Variants in EPB41 observed in about 807,000 individuals in gnomAD.
The protein encoded by EPB41 is protein 4.1.
EPB41 carries 65 observed loss-of-function variants against 108.0 expected under a neutral mutation model. That is an observed-to-expected ratio of 0.60 (90% CI 0.49 to 0.74). The LOEUF (loss-of-function observed/expected upper bound fraction) is 0.74. Among genes scored for constraint, EPB41 ranks in the 30% least tolerant of loss-of-function variants. The probability of loss-of-function intolerance (pLI) is 0.00; values close to 1 mark genes in which losing one functional copy is unlikely to be tolerated. For missense variants in EPB41, 875 were observed against 1,037.0 expected (o/e 0.84, Z 2.15); for synonymous variants, 336 against 358.9 (o/e 0.94, Z 0.72).
At position 29,117,756 on chromosome 1, in the gene EPB41, CAG is replaced by C. The variant is rs1671237668; in HGVS notation, c.*945_*946del. ...TAGTTTTGAGAGTGTGCACTTCACA[CAG>C]GGGAATGGGGTTACTTCTGTCTGAT... On this transcript the variant is annotated 3_prime_UTR_variant, in exon 21 of 21. Coordinates refer to ENST00000343067, the MANE Select transcript of EPB41 (RefSeq NM_001376013.1). 3 of 152,604 alleles carry C rather than the reference CAG, an allele frequency of 2.0e-5. No homozygotes were observed. The South Asian group carries it at 6.2e-4, about 32-fold the overall frequency. 9.5% of individuals were successfully genotyped at this position (152,604 alleles called of 1,614,324 possible).
intron 1 of EPB41, among the ~76,000 whole-genome samples, chr1:28,925,505 T>C (rs535398773): frequency 6.6e-6 from 1 of 152,106 alleles, no homozygotes; most frequent in African/African-American, 2.4e-5. Context: ...TCAGGGAAAG[T>C]AGAATGGGAG....
intron 1 of EPB41, among the ~76,000 whole-genome samples, chr1:28,960,849 A>G (rs1210862263): frequency 6.6e-6 from 1 of 152,036 alleles, no homozygotes; most frequent in Non-Finnish European, 1.5e-5. Flanking sequence ...CCTGGCCAAC[A>G]TGGTGAAACT....
intron 1 of EPB41, among the ~76,000 whole-genome samples, chr1:28,967,013 CTTTTTTTTTT>C (rs71586876): frequency 2.3e-5 from 2 of 85,368 alleles, no homozygotes; most frequent in East Asian, 3.7e-4. Context: ...ATATGAGAAC[CTTTTTTTTTT>C]TTTTTTTTTT....
At position 29,058,855 on chromosome 1, in the gene EPB41, T is replaced by C. The variant is rs1194263944; in HGVS notation, c.1944+3T>C. The C allele has an allele frequency of 6.4e-7, 1 of 1,551,122 alleles. No individual in the cohort carries two copies. The highest frequency in any genetic ancestry group is 2.4e-5 in the East Asian group (1 of 40,912). Reference sequence around the variant, plus strand: ...AAGATCTGATAAGAATGAGGAAGGTTAGCCATTTTTCACTTTCACAAAACT... The same window carrying C: ...AAGATCTGATAAGAATGAGGAAGGTCAGCCATTTTTCACTTTCACAAAACT... On this transcript the variant is annotated splice_donor_region_variant and intron_variant, in intron 14 of 20. Coordinates refer to ENST00000343067, the MANE Select transcript of EPB41 (RefSeq NM_001376013.1).
chr1:28,968,084 C>T (rs1297580422), intron 1 of EPB41, among the ~76,000 whole-genome samples: 3 of 152,036 alleles, frequency 2.0e-5, no homozygotes, highest in African/African-American at 7.3e-5. Flanking sequence ...TTTGGCCAGG[C>T]ACGGTGGCTC....
intron 9 of EPB41, among the ~76,000 whole-genome samples, chr1:29,035,305 A>T (rs984501075): frequency 2.6e-5 from 4 of 152,106 alleles, no homozygotes; most frequent in African/African-American, 9.7e-5. Flanking sequence ...TCAAAACAAC[A>T]TGTTGTAGAT....
intron 1 of EPB41, among the ~76,000 whole-genome samples, chr1:28,894,953 T>C (rs1222269177): frequency 6.6e-6 from 1 of 152,150 alleles, no homozygotes; most frequent in African/African-American, 2.4e-5. Context: ...CCCAGCAGAC[T>C]GGCCAGGGCC....
chr1:28,914,497 A>T (rs1034648700), upstream of EPB41: 1 of 151,918 alleles, frequency 6.6e-6, no homozygotes, highest in Non-Finnish European at 1.5e-5. Context: ...ATTTACTACA[A>T]TGTTGTGGCG....
At position 29,117,023 on chromosome 1, in the gene EPB41, G is replaced by T. The variant is rs889710020; in HGVS notation, c.*211G>T. On this transcript the variant is annotated 3_prime_UTR_variant, in exon 21 of 21. Transcript: ENST00000343067. ...TTTTGAAGAGCTTTTTCTATATTAG[G>T]ATATCAGAATTGTTCAACTTTTCAC... 2 of 152,110 alleles carry T rather than the reference G, an allele frequency of 1.3e-5. No individual in the cohort carries two copies. Among genetic ancestry groups the T allele is most frequent in the Non-Finnish European group, 2.9e-5 (2 of 68,022 alleles). 9.4% of individuals were successfully genotyped at this position (152,110 alleles called of 1,614,324 possible).
chr1:29,025,259 A>G (rs551088629), intron 7 of EPB41, among the ~76,000 whole-genome samples: 6 of 152,174 alleles, frequency 3.9e-5, no homozygotes, highest in African/African-American at 1.4e-4. Flanking sequence ...AGGAGATATA[A>G]CAAACATTAT....
At chr1:28,934,135 G>A (rs756428320) in intron 1 of EPB41, among the ~76,000 whole-genome samples, 1 of 152,070 alleles carries the variant, frequency 6.6e-6, no homozygotes. Flanking sequence ...AGTTTTGAGG[G>A]TTGTTGGTCA....
upstream of EPB41, among the ~76,000 whole-genome samples, chr1:28,910,587 T>C (rs188332614): frequency 1.3e-4 from 20 of 152,044 alleles, no homozygotes; most frequent in Non-Finnish European, 2.5e-4. Flanking sequence ...CAGTCTCATC[T>C]CTACCAGGTC....
intron 1 of EPB41, among the ~76,000 whole-genome samples, chr1:28,900,048 G>T (rs1447881326): frequency 6.6e-6 from 1 of 152,120 alleles, no homozygotes; most frequent in East Asian, 1.9e-4. Flanking sequence ...TGACAGACAT[G>T]GTGGAATTAT....
At position 29,059,048 on chromosome 1, in the gene EPB41, G is replaced by T. The variant is rs1462122880; in HGVS notation, c.1944+196G>T. On this transcript the variant is annotated intron_variant, in intron 14 of 20. Coordinates refer to ENST00000343067, the MANE Select transcript of EPB41 (RefSeq NM_001376013.1). ...CCAGCACTTTGGGAGGCCGAGGCAG[G>T]AGGATCACTTGGGGTCAGGAGTTTG... Among the ~76,000 whole-genome samples, 4 of 152,218 alleles carry T rather than the reference G, an allele frequency of 2.6e-5. No homozygotes were observed. In the East Asian group the frequency reaches 7.7e-4, roughly 29 times the overall value.
intron 1 of EPB41, among the ~76,000 whole-genome samples, chr1:28,955,527 T>G (rs760759192): frequency 1.1e-4 from 16 of 152,144 alleles, no homozygotes; most frequent in Admixed American, 6.5e-5. Context: ...TATTTTTTAG[T>G]AGAGACGGAG....
At chr1:29,078,174 G>A (rs1042645265) in intron 16 of EPB41, among the ~76,000 whole-genome samples, 1 of 152,066 alleles carries the variant, frequency 6.6e-6, no homozygotes, top group African/African-American at 2.4e-5. Context: ...AGCCAAAATT[G>A]CACCACTGCA....
chr1:29,105,743 C>CTTTTTTTTTT (rs63685960), intron 17 of EPB41, among the ~76,000 whole-genome samples: 1 of 91,082 alleles, frequency 1.1e-5, no homozygotes, highest in African/African-American at 4.3e-5. Flanking sequence ...ATGTACAGAT[C>CTTTTTTTTTT]TTTTTTTTTT....
intron 1 of EPB41, among the ~76,000 whole-genome samples, chr1:28,976,528 A>AT (rs1161664578): frequency 6.6e-6 from 1 of 151,372 alleles, no homozygotes; most frequent in Admixed American, 6.6e-5. Context: ...CTAATTTTTT[A>AT]TTTTTTGCAG....
At chr1:29,086,062 A>C (rs992091827) in intron 16 of EPB41, among the ~76,000 whole-genome samples, 3 of 152,152 alleles carry the variant, frequency 2.0e-5, no homozygotes, top group Non-Finnish European at 4.4e-5. Context: ...TTTCTGCATA[A>C]ATTGTTTACT....
Sources: allele counts gnomAD v4.1 joint callset (sites outside exome capture counted in the v4.1 genomes callset), GRCh38; gene constraint gnomAD v4.1.1; transcripts MANE v1.5; gene names NCBI Gene and HGNC (gene_info 2026-07-23, HGNC 2026-07-21).